SMARCA1: variants seen among roughly 807,000 people sequenced by gnomAD.
SMARCA1 encodes SNF2 related chromatin remodeling ATPase 1, also known as SWI/SNF-related matrix-associated actin-dependent regulator of chromatin subfamily A member 1.
A neutral mutation model predicts 93.6 loss-of-function variants in SMARCA1; 17 were observed. The observed-to-expected ratio is 0.18, with a 90% CI of 0.12 to 0.27. SMARCA1 has a LOEUF of 0.27. Among genes scored for constraint, SMARCA1 ranks in the 10% least tolerant of loss-of-function variants. The pLI is 1.00. For synonymous variants in SMARCA1, 271 were observed against 271.4 expected, an observed-to-expected ratio of 1.00 and a Z score of 0.01; for missense variants, 630 against 819.0, an observed-to-expected ratio of 0.77 and a Z score of 2.82.
intron 17 of SMARCA1, among the ~76,000 whole-genome samples, chrX:129,481,745 A>T (rs762706786): frequency 8.9e-6 from 1 of 111,868 alleles, no homozygotes; most frequent in Non-Finnish European, 1.9e-5. Flanking sequence ...GACTGTAACT[A>T]GTTCAACCCT....
At position 129,488,157 on chromosome X, in the gene SMARCA1, A is replaced by G. The variant is rs6529378; in HGVS notation, c.2097+780T>C. 4.3e-3 allele frequency among the ~76,000 whole-genome samples: 476 copies of G among 110,478 alleles called. 2 individuals are homozygous for G. The highest frequency in any genetic ancestry group is 0.015 in the African/African-American group (455 of 30,388). ...ATTTGTGGAGAGGGGAAGGTGAACTAAACACAAAATTACAATATTCTGAAA... is the reference window on the plus strand; with the variant it reads ...ATTTGTGGAGAGGGGAAGGTGAACTGAACACAAAATTACAATATTCTGAAA... On this transcript the variant is annotated intron_variant, in intron 16 of 24. Transcript: ENST00000371121.
chrX:129,462,091 AT>A (rs1406198332), intron 23 of SMARCA1, among the ~76,000 whole-genome samples: 2 of 111,899 alleles, frequency 1.8e-5, no homozygotes, highest in African/African-American at 6.5e-5. Flanking sequence ...AAATATAACT[AT>A]TAAGGTTTCT....
intron 8 of SMARCA1, among the ~76,000 whole-genome samples, 182 bp downstream of exon 8, chrX:129,505,898 T>C (rs933093953): frequency 8.9e-6 from 1 of 112,148 alleles, no homozygotes; most frequent in African/African-American, 3.2e-5. Context: ...ACAAGAAGCA[T>C]ACTATTTCTC....
intron 6 of SMARCA1, 34 bp downstream of exon 6, chrX:129,511,770 C>G (rs890974781): frequency 3.5e-5 from 39 of 1,103,563 alleles, no homozygotes; most frequent in African/African-American, 5.5e-5. Context: ...TGATATTATT[C>G]TTAACTGCCT....
intron 23 of SMARCA1, among the ~76,000 whole-genome samples, chrX:129,449,782 AACACAC>A (rs199530249): frequency 9.1e-6 from 1 of 109,908 alleles, no homozygotes; most frequent in Non-Finnish European, 1.9e-5. Context: ...GAACAACCCC[AACACAC>A]ACACACACAA....
intron 23 of SMARCA1, among the ~76,000 whole-genome samples, chrX:129,452,794 G>C (rs150473995): frequency 8.9e-6 from 1 of 112,136 alleles, no homozygotes; most frequent in East Asian, 2.8e-4. Context: ...TCACTTTACT[G>C]AGCTTCATAG....
At chrX:129,498,545 T>C (rs894297051) in intron 10 of SMARCA1, among the ~76,000 whole-genome samples, 1 of 111,593 alleles carries the variant, frequency 9.0e-6, no homozygotes, top group African/African-American at 3.3e-5. Context: ...ATAATAATTA[T>C]CAACTTTTGC....
In SMARCA1 at chrX:129,492,005, G is replaced by C. The variant is rs780271134; in HGVS notation, c.1751C>G (p.Ala584Gly). 1 of 1,196,789 alleles carries C rather than the reference G, an allele frequency of 8.4e-7. No homozygotes were observed. The highest frequency in any genetic ancestry group is 1.1e-6 in the Non-Finnish European group (1 of 882,448). ...TRAGGLGINL[A>G]SADVVILYDS... ...ATATAGTATAACCACATCAGCACTT[G>C]CCAGGTTAATTCCGAGACCTCCAGC... is the stretch of plus-strand genomic sequence containing the variant. The change falls in exon 14 of 25, where the codon GCA (alanine) becomes GGA (glycine). Residue 584 changes from alanine (A) to glycine (G), a missense_variant. Coordinates refer to ENST00000371121, the MANE Select transcript of SMARCA1 (RefSeq NM_001282874.2).
intron 6 of SMARCA1, 50 bp downstream of exon 6, chrX:129,511,754 C>T: frequency 1.0e-6 from 1 of 1,004,868 alleles, no homozygotes; most frequent in African/African-American, 1.9e-5. Context: ...AACTAAACTC[C>T]AGAAATGATA....
chrX:129,484,685 T>A (rs961077817), intron 17 of SMARCA1, among the ~76,000 whole-genome samples: 1 of 112,006 alleles, frequency 8.9e-6, no homozygotes, highest in Non-Finnish European at 1.9e-5. Flanking sequence ...CATACTGATA[T>A]AAATAAATAA....
rs1282042384 is a variant in SMARCA1 at position 129,523,465 on chromosome X, G to C, written c.-95C>G. 4 of 721,155 alleles carry C rather than the reference G, an allele frequency of 5.5e-6. No homozygotes were observed. Among genetic ancestry groups the C allele is most frequent in the Admixed American group, 3.5e-5 (1 of 28,192 alleles). 59.4% of individuals were successfully genotyped at this position (721,155 alleles called of 1,213,427 possible). Reference sequence around the variant, plus strand: ...CACTGGAAAGAGCTAGATGGAGCAGGGGTGGGGAATCACTCCGCTTCCAAC... The same window carrying C: ...CACTGGAAAGAGCTAGATGGAGCAGCGGTGGGGAATCACTCCGCTTCCAAC... On this transcript the variant is annotated 5_prime_UTR_variant, in exon 1 of 25. Transcript: ENST00000371121.
intron 23 of SMARCA1, among the ~76,000 whole-genome samples, chrX:129,459,443 T>C (rs190647837): frequency 8.9e-6 from 1 of 112,158 alleles, no homozygotes; most frequent in East Asian, 2.8e-4. Flanking sequence ...GAAAATGTTG[T>C]TATCACTTCC....
chrX:129,521,759 T>C (rs1935403452), intron 1 of SMARCA1, among the ~76,000 whole-genome samples: 1 of 112,319 alleles, frequency 8.9e-6, no homozygotes, highest in Non-Finnish European at 1.9e-5. Context: ...TACACCCACT[T>C]TTAACCAACA....
intron 12 of SMARCA1, among the ~76,000 whole-genome samples, chrX:129,495,762 A>G (rs1934297424): frequency 9.3e-6 from 1 of 107,941 alleles, no homozygotes; most frequent in South Asian, 4.2e-4. Flanking sequence ...CGCAGTTTCT[A>G]TAAGAACCTA....
At chrX:129,480,981 T>TAA (rs1933629410) in intron 18 of SMARCA1, 94 bp downstream of exon 18, 7 of 594,395 alleles carry the variant, frequency 1.2e-5, no homozygotes, top group Non-Finnish European at 1.6e-5. Flanking sequence ...TTAGAGACTA[T>TAA]GATTTGGCAA....
chrX:129,480,681 T>G lies in SMARCA1; in HGVS notation c.2442+20A>C. 1 of 793,766 alleles carries G rather than the reference T, an allele frequency of 1.3e-6. No homozygotes were observed. The highest frequency in any genetic ancestry group is 3.8e-5 in the South Asian group (1 of 26,495). 65.4% of individuals were successfully genotyped at this position (793,766 alleles called of 1,213,427 possible). ...TTTTAAAGATTATATTATATTAATCTTAAAAAATGGAAAAAATACCTTATA... is the reference window on the plus strand; with the variant it reads ...TTTTAAAGATTATATTATATTAATCGTAAAAAATGGAAAAAATACCTTATA... On this transcript the variant is annotated intron_variant, in intron 19 of 24. Coordinates refer to ENST00000371121, the MANE Select transcript of SMARCA1 (RefSeq NM_001282874.2).
Position 129,499,782 on chromosome X carries a change from A to G in SMARCA1, c.1227T>C (p.Pro409=). ...IKTDVEKSLP[P]KKEIKIYLGL... is the part of the protein sequence containing the mutation. ...CCAAGTAAATCTTTATTTCCTTTTT[A>G]GGTGGCAGACTCTTCTCTACATCAG... The change falls in exon 10 of 25, where the codon CCT becomes CCC. Residue 409 remains proline (P), a synonymous_variant. Transcript: ENST00000371121. 1.7e-6 allele frequency: 2 copies of G among 1,189,943 alleles called. No individual in the cohort carries two copies. Among genetic ancestry groups the G allele is most frequent in the East Asian group, 6.0e-5 (2 of 33,375 alleles).
At chrX:129,462,286 G>A (rs1932819224) in intron 23 of SMARCA1, among the ~76,000 whole-genome samples, 1 of 111,508 alleles carries the variant, frequency 9.0e-6, no homozygotes, top group South Asian at 3.7e-4. Context: ...TTCTAAGATG[G>A]GATTTTTCAA....
chrX:129,494,281 G>A (rs1934235571), intron 12 of SMARCA1, among the ~76,000 whole-genome samples: 1 of 111,386 alleles, frequency 9.0e-6, no homozygotes. Context: ...GTACCATAGG[G>A]CCTTATTTAG....
Sources: gnomAD v4.1 joint callset for allele counts (sites outside exome capture counted in the v4.1 genomes callset) on GRCh38, gnomAD v4.1.1 for gene constraint, MANE v1.5 for transcripts, NCBI Gene and HGNC (gene_info 2026-07-23, HGNC 2026-07-21) for gene names.